The following RNF212B variants were observed in gnomAD, a reference collection of about 807,000 sequenced individuals.
The protein encoded by RNF212B is ring finger protein 212B, also known as E3 ubiquitin-protein ligase RNF212B.
A neutral mutation model predicts 55.5 loss-of-function variants in RNF212B; 52 were observed. The ratio of observed to expected loss-of-function variants is 0.94; its 90% CI spans 0.75 to 1.18. RNF212B has a LOEUF of 1.18. RNF212B is among the 50% of genes most tolerant of loss of function. RNF212B has a pLI of 0.00. For missense variants in RNF212B, 289 were observed against 350.4 expected (o/e 0.82, Z 1.40); for synonymous variants, 99 against 121.4 (o/e 0.82, Z 1.21).
At chr14:23,266,404 GT>G (rs57731750) in intron 11 of RNF212B, among the ~76,000 whole-genome samples, 1,132 of 46,876 alleles carry the variant, frequency 0.024, 7 homozygotes, top group East Asian at 0.079. Flanking sequence ...CCTTTTAAAT[GT>G]TTTTTTTTTT....
intron 1 of RNF212B, among the ~76,000 whole-genome samples, chr14:23,190,406 G>T (rs548007922): frequency 6.2e-4 from 95 of 152,286 alleles, no homozygotes; most frequent in South Asian, 1.4e-3. Flanking sequence ...TTTTTGCCCA[G>T]TATTCCCCAC....
intron 2 of RNF212B, among the ~76,000 whole-genome samples, chr14:23,218,699 A>C (rs1413771460): frequency 6.6e-6 from 1 of 152,178 alleles, no homozygotes; most frequent in African/African-American, 2.4e-5. Flanking sequence ...CAAAAGGGCA[A>C]ATGTGAGTTA....
chr14:23,229,259 T>TATATATATATATATATATAC (rs1434448490), intron 2 of RNF212B, among the ~76,000 whole-genome samples: 5 of 122,484 alleles, frequency 4.1e-5, no homozygotes, highest in African/African-American at 1.6e-4. Flanking sequence ...TATATATATA[T>TATATATATATATATATATAC]ATACCACATT....
intron 1 of RNF212B, among the ~76,000 whole-genome samples, chr14:23,239,952 G>A (rs1883435527): frequency 6.7e-6 from 1 of 148,974 alleles, no homozygotes. Context: ...ACTGGCACAT[G>A]TATTAATCCA....
chr14:23,247,573 A>G (rs1952335009), intron 4 of RNF212B, among the ~76,000 whole-genome samples: 1 of 152,174 alleles, frequency 6.6e-6, no homozygotes. Context: ...TCCATGTTGT[A>G]GCATCTCTGT....
intron 2 of RNF212B, among the ~76,000 whole-genome samples, chr14:23,231,432 G>A (rs1291387799): frequency 6.6e-6 from 1 of 152,132 alleles, no homozygotes; most frequent in Non-Finnish European, 1.5e-5. Context: ...ACCCACATAT[G>A]CACATGCAAA....
At chr14:23,220,191 C>CA (rs954955167) in intron 2 of RNF212B, among the ~76,000 whole-genome samples, 8 of 33,254 alleles carry the variant, frequency 2.4e-4, no homozygotes, top group Non-Finnish European at 3.7e-4. Context: ...TCGGGAAAAA[C>CA]AAAAACAAAA....
intron 9 of RNF212B, among the ~76,000 whole-genome samples, chr14:23,263,960 C>T (rs1308300925): frequency 6.6e-6 from 1 of 151,884 alleles, no homozygotes; most frequent in Non-Finnish European, 1.5e-5. Context: ...TGGTGGTGCA[C>T]GCCTGTAGTC....
chr14:23,216,816 G>T (rs1881117356), intron 2 of RNF212B, among the ~76,000 whole-genome samples: 1 of 131,328 alleles, frequency 7.6e-6, no homozygotes, highest in Non-Finnish European at 1.6e-5. Flanking sequence ...GGGAACAGAG[G>T]TTGCAGTGAG....
chr14:23,205,948 G>A lies in RNF212B; in HGVS notation c.-2+12547G>A, dbSNP rs540385175. On this transcript the variant is annotated intron_variant, in intron 2 of 15. Coordinates refer to the RNF212B transcript ENST00000399910. ...GGCAGGGTAAGTATGAAATTTGCTT[G>A]ATTAATAATGCAAACAAAGTGTATG... Among the ~76,000 whole-genome samples, 9 of 152,252 alleles carry A rather than the reference G, an allele frequency of 5.9e-5. 1 individual carries two copies. The highest frequency in any genetic ancestry group is 2.2e-4 in the African/African-American group (9 of 41,556).
intron 14 of RNF212B, 77 bp from the exon 15 acceptor site, chr14:23,272,746 A>G: frequency 1.1e-6 from 1 of 883,566 alleles, no homozygotes; most frequent in South Asian, 1.4e-5. Context: ...TAAGCTTCAT[A>G]CAACAGGTCA....
chr14:23,213,382 C>T (rs977148153), intron 2 of RNF212B, among the ~76,000 whole-genome samples: 1 of 151,948 alleles, frequency 6.6e-6, no homozygotes, highest in Non-Finnish European at 1.5e-5. Context: ...AAGAGATATA[C>T]TTTGTTCATG....
intron 11 of RNF212B, among the ~76,000 whole-genome samples, chr14:23,266,771 G>A (rs1885738605): frequency 6.6e-6 from 1 of 152,190 alleles, no homozygotes; most frequent in Non-Finnish European, 1.5e-5. Flanking sequence ...AATGCTCCAT[G>A]TGTATGTGGA....
Position 23,249,110 on chromosome 14 carries a change from G to A in RNF212B, c.228+4714G>A, listed in dbSNP as rs1049621498. On this transcript the variant is annotated intron_variant, in intron 4 of 14. Transcript: ENST00000430154. ...TTTGCTGACCCTTGGTCTATTTTAT[G>A]GTTTTTAAAAGATTTTTGAAGTCAT... Among the ~76,000 whole-genome samples the A allele has an allele frequency of 2.6e-5, 4 of 152,224 alleles. No individual in the cohort carries two copies. The South Asian group carries it at 8.3e-4, about 32-fold the overall frequency.
upstream of RNF212B, among the ~76,000 whole-genome samples, chr14:23,233,317 A>T (rs1882852120): frequency 6.6e-6 from 1 of 152,040 alleles, no homozygotes. Context: ...ACCTTTGTTC[A>T]CATGTTTATT....
At chr14:23,196,747 G>A (rs1208891915) in intron 2 of RNF212B, among the ~76,000 whole-genome samples, 2 of 152,138 alleles carry the variant, frequency 1.3e-5, no homozygotes, top group Non-Finnish European at 2.9e-5. Flanking sequence ...AGGGCCCAAA[G>A]GGCTTTTTTT....
At chr14:23,193,406 C>T (rs186992718) in intron 2 of RNF212B, 1 of 152,122 alleles carries the variant, frequency 6.6e-6, no homozygotes, top group African/African-American at 2.4e-5. Flanking sequence ...AATAAGGTAC[C>T]ACAACTAGAG....
chr14:23,232,277 C>T (rs554889006), intron 2 of RNF212B, among the ~76,000 whole-genome samples: 241 of 146,200 alleles, frequency 1.6e-3, no homozygotes, highest in African/African-American at 5.4e-3. Flanking sequence ...ATGTGAGGAG[C>T]GCCTCTGCCC....
intron 2 of RNF212B, among the ~76,000 whole-genome samples, chr14:23,206,701 TAGAG>T (rs1168092589): frequency 6.6e-6 from 1 of 151,830 alleles, no homozygotes; most frequent in Non-Finnish European, 1.5e-5. Flanking sequence ...CATCATAAGG[TAGAG>T]AGAGAAAAAA....
Sources: gnomAD v4.1 joint callset for allele counts (sites outside exome capture counted in the v4.1 genomes callset) on GRCh38, gnomAD v4.1.1 for gene constraint, MANE v1.5 for transcripts, NCBI Gene and HGNC (gene_info 2026-07-23, HGNC 2026-07-21) for gene names.